The following PEAK1 variants were observed in gnomAD, a reference collection of about 807,000 sequenced individuals.
PEAK1 encodes the protein inactive tyrosine-protein kinase PEAK1.
A neutral mutation model predicts 124.7 loss-of-function variants in PEAK1; 54 were observed. The observed-to-expected ratio is 0.43, with a 90% CI of 0.35 to 0.54. The LOEUF (loss-of-function observed/expected upper bound fraction) is 0.54. PEAK1 is among the 20% of genes least tolerant of loss of function. The probability of loss-of-function intolerance (pLI) is 0.01; values close to 1 mark genes in which losing one functional copy is unlikely to be tolerated. For missense variants in PEAK1, 2,046 were observed against 2,134.5 expected, an observed-to-expected ratio of 0.96 and a Z score of 0.82; for synonymous variants, 719 against 760.0, an observed-to-expected ratio of 0.95 and a Z score of 0.89.
At chr15:77,344,374 G>A (rs369242945) in intron 2 of PEAK1, among the ~76,000 whole-genome samples, 1 of 152,158 alleles carries the variant, frequency 6.6e-6, no homozygotes, top group South Asian at 2.1e-4. Context: ...GATTACAGGC[G>A]TGAGCCACCA....
intron 7 of PEAK1, among the ~76,000 whole-genome samples, chr15:77,172,985 C>G (rs2056613453): frequency 6.6e-6 from 1 of 152,250 alleles, no homozygotes; most frequent in East Asian, 1.9e-4. Flanking sequence ...AACTCCTGAG[C>G]TCAGGTGATC....
At chr15:77,335,477 G>A in intron 2 of PEAK1, 1 of 985,288 alleles carries the variant, frequency 1.0e-6, no homozygotes, top group East Asian at 1.1e-4. Context: ...ACATCACGTT[G>A]ATGCTTACTA....
chr15:77,416,191 A>G (rs2072873490), intron 1 of PEAK1, among the ~76,000 whole-genome samples: 1 of 152,170 alleles, frequency 6.6e-6, no homozygotes. Flanking sequence ...ATTCTCCCTC[A>G]GCTTCCATGA....
chr15:77,404,087 A>C, intron 1 of PEAK1: 1 of 985,116 alleles, frequency 1.0e-6, no homozygotes, highest in South Asian at 4.7e-5. Context: ...GTTACTGCAA[A>C]TAATATATCC....
chr15:77,340,270 G>A (rs1290381109), intron 2 of PEAK1, among the ~76,000 whole-genome samples: 2 of 152,164 alleles, frequency 1.3e-5, no homozygotes, highest in Non-Finnish European at 2.9e-5. Context: ...TCCACTCATT[G>A]GGATATTATT....
chr15:77,159,632 C>G (rs916316923), intron 7 of PEAK1, among the ~76,000 whole-genome samples: 1 of 151,882 alleles, frequency 6.6e-6, no homozygotes, highest in Non-Finnish European at 1.5e-5. Context: ...TTCCTGGTTT[C>G]TTTATGAAAA....
intron 1 of PEAK1, among the ~76,000 whole-genome samples, chr15:77,384,500 CAAGT>C (rs2069759211): frequency 6.6e-6 from 1 of 152,132 alleles, no homozygotes; most frequent in African/African-American, 2.4e-5. Flanking sequence ...TGTAGCTGGA[CAAGT>C]AATAGTTTCC....
At chr15:77,132,236 A>T (rs1463955501) in intron 9 of PEAK1, among the ~76,000 whole-genome samples, 1 of 151,210 alleles carries the variant, frequency 6.6e-6, no homozygotes, top group Non-Finnish European at 1.5e-5. Flanking sequence ...ATGAGCCACT[A>T]CATTTGGCTA....
intron 6 of PEAK1, among the ~76,000 whole-genome samples, chr15:77,234,810 A>C (rs553578205): frequency 1.4e-4 from 21 of 152,152 alleles, no homozygotes; most frequent in Non-Finnish European, 2.1e-4. Context: ...TAATTAAAAA[A>C]AAATATATAT....
intron 2 of PEAK1, chr15:77,330,959 AAGT>A: frequency 1.2e-6 from 1 of 849,382 alleles, no homozygotes; most frequent in African/African-American, 1.8e-5. Flanking sequence ...AGTAGGTACT[AAGT>A]ATTTGTGAGT....
intron 1 of PEAK1, among the ~76,000 whole-genome samples, chr15:77,408,010 CAT>C (rs1159219827): frequency 1.3e-5 from 2 of 150,990 alleles, no homozygotes; most frequent in East Asian, 1.9e-4. Flanking sequence ...CACACGTACA[CAT>C]ATACACATAT....
At position 77,315,268 on chromosome 15, in the gene PEAK1, T is replaced by C. The variant is rs1328734821; in HGVS notation, c.-602-28764A>G. 2.6e-5 allele frequency among the ~76,000 whole-genome samples: 4 copies of C among 152,162 alleles called. No homozygotes were observed. The East Asian group carries it at 5.8e-4, about 22-fold the overall frequency. On this transcript the variant is annotated intron_variant, in intron 2 of 9. Coordinates refer to ENST00000682557, the MANE Select transcript of PEAK1 (RefSeq NM_001385026.1). ...GATACTTTCATTTAATATATCAATA[T>C]TGGGCCTAAAACAGTATTCTGTAAA...
chr15:77,192,420 A>G (rs1474024540), intron 6 of PEAK1, among the ~76,000 whole-genome samples: 1 of 152,230 alleles, frequency 6.6e-6, no homozygotes, highest in East Asian at 1.9e-4. Flanking sequence ...ACTGTTCTCA[A>G]GAAAACAGCA....
chr15:77,274,837 G>A (rs1348870354), intron 5 of PEAK1, among the ~76,000 whole-genome samples: 1 of 151,904 alleles, frequency 6.6e-6, no homozygotes, highest in Non-Finnish European at 1.5e-5. Flanking sequence ...GAAAAAAAAG[G>A]TCATTATACA....
intron 1 of PEAK1, among the ~76,000 whole-genome samples, chr15:77,380,251 A>G (rs866080560): frequency 1.3e-5 from 2 of 152,148 alleles, no homozygotes; most frequent in Non-Finnish European, 2.9e-5. Context: ...CTGGTTATGT[A>G]ATAATACAGG....
At chr15:77,153,273 G>C (rs2054820452) in intron 8 of PEAK1, among the ~76,000 whole-genome samples, 2 of 152,164 alleles carry the variant, frequency 1.3e-5, no homozygotes, top group Non-Finnish European at 2.9e-5. Context: ...CAGTTTATTT[G>C]TGTAGAGGTG....
At chr15:77,203,022 G>C (rs1428656000) in intron 6 of PEAK1, among the ~76,000 whole-genome samples, 1 of 148,582 alleles carries the variant, frequency 6.7e-6, no homozygotes. Flanking sequence ...GGGCGACAGA[G>C]CCAGACCCTG....
intron 6 of PEAK1, among the ~76,000 whole-genome samples, chr15:77,195,136 C>T (rs1244791440): frequency 6.6e-6 from 1 of 151,914 alleles, no homozygotes; most frequent in Non-Finnish European, 1.5e-5. Flanking sequence ...AAAAAAAGCA[C>T]CCTAAATCTT....
intron 2 of PEAK1, among the ~76,000 whole-genome samples, chr15:77,305,495 A>G (rs947631605): frequency 6.6e-6 from 1 of 152,218 alleles, no homozygotes; most frequent in Admixed American, 6.5e-5. Context: ...TTAGAGAACC[A>G]GAGCTCAGAC....
Sources: allele counts gnomAD v4.1 joint callset (sites outside exome capture counted in the v4.1 genomes callset), GRCh38; gene constraint gnomAD v4.1.1; transcripts MANE v1.5; gene names NCBI Gene and HGNC (gene_info 2026-07-23, HGNC 2026-07-21).